The following SEH1L variants were observed in gnomAD, a reference collection of about 807,000 sequenced individuals.
The protein encoded by SEH1L is SEH1 like nucleoporin.
Under a neutral mutation model 49.5 loss-of-function variants are expected in SEH1L, and 18 were observed. The ratio of observed to expected loss-of-function variants is 0.36; its 90% CI spans 0.25 to 0.54. The LOEUF (loss-of-function observed/expected upper bound fraction) is 0.54, where lower values mean the gene tolerates loss of function less well. SEH1L is among the 20% of genes least tolerant of loss of function. SEH1L has a pLI of 0.87. For synonymous variants in SEH1L, 169 were observed against 178.1 expected (o/e 0.95, Z 0.41); for missense variants, 404 against 528.8 (o/e 0.76, Z 2.31).
At chr18:12,977,276 C>G (rs1199661947) in intron 5 of SEH1L, 2 of 152,272 alleles carry the variant, frequency 1.3e-5, no homozygotes, top group African/African-American at 4.8e-5. Context: ...GGGTTAGGTG[C>G]TGCCGTTCTG....
chr18:12,979,020 T>C, intron 6 of SEH1L, 128 bp downstream of exon 6: 1 of 900,324 alleles, frequency 1.1e-6, no homozygotes, highest in Non-Finnish European at 1.7e-6. Context: ...TACTTAAAAA[T>C]GTAAACTTTG....
intron 3 of SEH1L, among the ~76,000 whole-genome samples, chr18:12,959,882 A>G (rs1274076402): frequency 6.6e-6 from 1 of 152,206 alleles, no homozygotes; most frequent in Non-Finnish European, 1.5e-5. Context: ...AGCTGAGAGC[A>G]AACACTGAGT....
chr18:12,986,130 T>G (rs1305533748), intron 8 of SEH1L: 1 of 984,436 alleles, frequency 1.0e-6, no homozygotes, highest in Non-Finnish European at 1.2e-6. Context: ...GCATTCCATG[T>G]CTCAAGATTT....
chr18:12,950,753 C>T (rs1040629163), intron 1 of SEH1L, among the ~76,000 whole-genome samples: 5 of 152,162 alleles, frequency 3.3e-5, no homozygotes, highest in East Asian at 1.9e-4. Flanking sequence ...TTATTGCCCT[C>T]GTTACATTTT....
At chr18:12,971,428 A>G (rs2031694756) in intron 5 of SEH1L, 177 bp downstream of exon 5, 2 of 455,196 alleles carry the variant, frequency 4.4e-6, no homozygotes, top group Non-Finnish European at 4.0e-6. Context: ...AAAGAGGAGA[A>G]AGTAGACCAG....
chr18:12,966,290 C>T (rs1437087807), intron 4 of SEH1L, among the ~76,000 whole-genome samples: 1 of 152,054 alleles, frequency 6.6e-6, no homozygotes, highest in Non-Finnish European at 1.5e-5. Context: ...TGGGGTTTCT[C>T]CATATTGGTC....
At chr18:12,975,445 A>G (rs973057706) in intron 5 of SEH1L, among the ~76,000 whole-genome samples, 1 of 152,042 alleles carries the variant, frequency 6.6e-6, no homozygotes, top group Non-Finnish European at 1.5e-5. Context: ...TAGAGATGGC[A>G]GCACATACCT....
rs1033551403 is a variant in SEH1L at position 12,985,341 on chromosome 18, C to T, written c.1070+1151C>T. The stretch of plus-strand genomic sequence containing the variant: ...GCGAGCTCCTTTTCCCCTTCCCCAG[C>T]GCCGTTTGACCTCTCCCAAGATACA... On this transcript the variant is annotated intron_variant, in intron 8 of 8. Transcript: ENST00000399892. The T allele has an allele frequency of 1.4e-5, 21 of 1,551,566 alleles. No individual in the cohort carries two copies. The East Asian group carries it at 1.9e-4, about 14-fold the overall frequency.
At chr18:12,965,328 T>C (rs1057167515) in intron 4 of SEH1L, among the ~76,000 whole-genome samples, 8 of 152,228 alleles carry the variant, frequency 5.3e-5, no homozygotes, top group African/African-American at 1.7e-4. Context: ...CTAATTCTTA[T>C]ATTGCTTGTA....
At chr18:12,949,442 G>GTTGTTT (rs2030357720) in intron 1 of SEH1L, among the ~76,000 whole-genome samples, 1 of 51,798 alleles carries the variant, frequency 1.9e-5, no homozygotes, top group South Asian at 8.6e-4. Flanking sequence ...TACGTTAACC[G>GTTGTTT]TTTTTTTTTT....
chr18:12,963,474 A>C lies in SEH1L; in HGVS notation c.521+103A>C. 3.3e-6 allele frequency: 3 copies of C among 896,734 alleles called. No homozygotes were observed. In the Admixed American group the frequency reaches 6.1e-5, roughly 18 times the overall value. 55.5% of individuals were successfully genotyped at this position (896,734 alleles called of 1,614,324 possible). ...TATTCTCTCAAAGGTGCTTCTTCTC[A>C]AGATATATAGAGTATATGTTCTCCA... On this transcript the variant is annotated intron_variant, in intron 4 of 8. Transcript: ENST00000399892.
chr18:12,950,121 C>T (rs1278456644), intron 1 of SEH1L, among the ~76,000 whole-genome samples: 1 of 151,762 alleles, frequency 6.6e-6, no homozygotes, highest in Non-Finnish European at 1.5e-5. Flanking sequence ...GCAGCCTCAA[C>T]ATCCCAGGTT....
At chr18:12,969,909 G>T (rs756729957) in intron 4 of SEH1L, among the ~76,000 whole-genome samples, 11 of 151,998 alleles carry the variant, frequency 7.2e-5, no homozygotes, top group Non-Finnish European at 1.2e-4. Context: ...GGAAAAAAAC[G>T]CAAAAGGAAG....
intron 3 of SEH1L, among the ~76,000 whole-genome samples, chr18:12,959,528 A>G (rs548555664): frequency 3.5e-4 from 53 of 152,324 alleles, no homozygotes; most frequent in South Asian, 1.2e-3. Flanking sequence ...GTATGCTTCA[A>G]TAAGCATTTT....
Position 12,948,238 on chromosome 18 carries a change from CGCGGCGCTTGCGG to C in SEH1L, c.111+11_111+23del. On this transcript the variant is annotated splice_region_variant and intron_variant, in intron 1 of 8. Transcript: ENST00000399892. ...CCAGCGATCAGAGCGTTAAGGTGCG[CGCGGCGCTTGCGG>C]GCGGGGCCGACCCCGGAAGGAAGGA... 1 of 1,602,954 alleles carries C rather than the reference CGCGGCGCTTGCGG, an allele frequency of 6.2e-7. No homozygotes were observed. The highest frequency in any genetic ancestry group is 8.5e-7 in the Non-Finnish European group (1 of 1,173,960).
intron 6 of SEH1L, among the ~76,000 whole-genome samples, chr18:12,982,195 C>T (rs770141685): frequency 4.0e-4 from 61 of 152,074 alleles, no homozygotes; most frequent in Non-Finnish European, 4.3e-4. Flanking sequence ...TAATTATTGT[C>T]ATCTATTTTA....
intron 3 of SEH1L, among the ~76,000 whole-genome samples, chr18:12,958,013 G>C (rs2030976405): frequency 6.9e-6 from 1 of 145,834 alleles, no homozygotes; most frequent in African/African-American, 2.5e-5. Flanking sequence ...GGGCCATGAT[G>C]CAATTTTTTA....
At chr18:12,965,807 A>G (rs2031424498) in intron 4 of SEH1L, among the ~76,000 whole-genome samples, 1 of 152,146 alleles carries the variant, frequency 6.6e-6, no homozygotes, top group African/African-American at 2.4e-5. Context: ...CACATTTGTC[A>G]GGCTTTATTG....
chr18:12,980,006 C>T (rs569804308), intron 6 of SEH1L, among the ~76,000 whole-genome samples: 5 of 138,402 alleles, frequency 3.6e-5, no homozygotes, highest in East Asian at 5.1e-4. Flanking sequence ...CGGGGCTGAC[C>T]CCCCCACCTC....
Sources: allele counts gnomAD v4.1 joint callset (sites outside exome capture counted in the v4.1 genomes callset), GRCh38; gene constraint gnomAD v4.1.1; transcripts MANE v1.5; gene names NCBI Gene and HGNC (gene_info 2026-07-23, HGNC 2026-07-21).